Variants in GPHN observed in about 807,000 individuals in gnomAD.
The protein encoded by GPHN is gephyrin.
A neutral mutation model predicts 95.5 loss-of-function variants in GPHN; 17 were observed. The observed-to-expected ratio is 0.18, with a 90% CI of 0.12 to 0.27. The LOEUF (loss-of-function observed/expected upper bound fraction) is 0.27, where lower values mean the gene tolerates loss of function less well. Ranked by LOEUF, GPHN falls within the 10% of genes least tolerant of loss-of-function variation. The probability of loss-of-function intolerance (pLI) is 1.00; values close to 1 mark genes in which losing one functional copy is unlikely to be tolerated. For synonymous variants in GPHN, 320 were observed against 322.5 expected (o/e 0.99, Z 0.08); for missense variants, 660 against 978.1 (o/e 0.67, Z 4.34).
chr14:67,242,987 T>C, the GPHN span, among the ~76,000 whole-genome samples: 1 of 152,150 alleles, frequency 6.6e-6, no homozygotes, highest in African/African-American at 2.4e-5. Context: ...TGATTAAAAA[T>C]CTCATCACAG....
At chr14:66,580,569 C>T (rs1204628852) in intron 1 of GPHN, among the ~76,000 whole-genome samples, 3 of 151,518 alleles carry the variant, frequency 2.0e-5, no homozygotes, top group African/African-American at 7.3e-5. Flanking sequence ...CAATCATATG[C>T]CAACAAATTA....
the GPHN span, among the ~76,000 whole-genome samples, chr14:67,340,822 T>C: frequency 1.3e-5 from 2 of 152,086 alleles, no homozygotes; most frequent in African/African-American, 2.4e-5. Context: ...TGCAGGCGCG[T>C]GCCGCCACGC....
chr14:67,144,286 T>TATATACATATATATATATATATATAC (rs1421893686), intron 18 of GPHN, among the ~76,000 whole-genome samples: 2 of 78,120 alleles, frequency 2.6e-5, no homozygotes, highest in South Asian at 4.5e-4. Flanking sequence ...TATATATATA[T>TATATACATATATATATATATATATAC]ACACACACAC....
At chr14:67,657,266 A>AT in the GPHN span, 1 of 152,144 alleles carries the variant, frequency 6.6e-6, no homozygotes, top group East Asian at 1.9e-4. Flanking sequence ...CTGAGACACT[A>AT]CCACATTCTG....
intron 8 of GPHN, among the ~76,000 whole-genome samples, chr14:66,961,954 A>G (rs1196718822): frequency 2.3e-5 from 3 of 132,210 alleles, no homozygotes; most frequent in Admixed American, 2.2e-4. Flanking sequence ...ATATACACAT[A>G]TCTCCCAGAA....
In GPHN at chr14:66,731,091, A is replaced by G. The variant is rs142833861; in HGVS notation, c.144-45373A>G. Among the ~76,000 whole-genome samples the G allele has an allele frequency of 1.4e-3, 213 of 152,282 alleles. 4 individuals are homozygous for G. In the East Asian group the frequency reaches 0.023, roughly 16 times the overall value. ...AGACATGCCAGCTTCCCCTTCTGCC[A>G]TGATTTTAAGTTTCTTGAGGCCTCC... On this transcript the variant is annotated intron_variant, in intron 2 of 22. Transcript: ENST00000478722.
the GPHN span, among the ~76,000 whole-genome samples, chr14:67,599,028 AG>A: frequency 6.6e-6 from 1 of 152,218 alleles, no homozygotes; most frequent in Non-Finnish European, 1.5e-5. Flanking sequence ...CATACGGTTT[AG>A]ATAGTTAGAT....
chr14:66,520,847 A>G (rs1318765477), intron 1 of GPHN, among the ~76,000 whole-genome samples: 4 of 151,798 alleles, frequency 2.6e-5, no homozygotes, highest in Admixed American at 1.3e-4. Flanking sequence ...TTTCCTGCTT[A>G]TCCCTCTTCC....
At chr14:66,812,306 T>A (rs2060796234) in intron 3 of GPHN, among the ~76,000 whole-genome samples, 1 of 152,194 alleles carries the variant, frequency 6.6e-6, no homozygotes, top group Non-Finnish European at 1.5e-5. Context: ...AAGTCACTGC[T>A]TACTAAAATT....
chr14:67,359,736 C>A, the GPHN span: 2 of 1,612,600 alleles, frequency 1.2e-6, no homozygotes. Flanking sequence ...CCCGGCCGGG[C>A]AACCGAGGCT....
the GPHN span, among the ~76,000 whole-genome samples, chr14:67,317,077 A>G: frequency 6.6e-6 from 1 of 152,254 alleles, no homozygotes; most frequent in African/African-American, 2.4e-5. Flanking sequence ...ATTAAAGATT[A>G]TCTGTCTATA....
intron 4 of GPHN, among the ~76,000 whole-genome samples, chr14:66,826,447 G>C (rs946757066): frequency 6.6e-6 from 1 of 151,938 alleles, no homozygotes; most frequent in African/African-American, 2.4e-5. Flanking sequence ...ATTAGTACTA[G>C]ACTCTGCAGA....
the GPHN span, chr14:67,651,700 G>C: frequency 5.1e-6 from 2 of 390,256 alleles, no homozygotes; most frequent in Non-Finnish European, 9.0e-6. Context: ...AAAAACCAAA[G>C]CATAAAAATG....
intron 1 of GPHN, among the ~76,000 whole-genome samples, chr14:66,517,091 G>A (rs1298664811): frequency 3.3e-5 from 4 of 121,036 alleles, no homozygotes; most frequent in Middle Eastern, 7.9e-3. Flanking sequence ...CTGTGCCACT[G>A]TACTCCAGCC....
the GPHN span, chr14:67,473,345 G>A: frequency 9.6e-6 from 15 of 1,560,308 alleles, no homozygotes; most frequent in Non-Finnish European, 7.0e-6. This position sits in a 1 kb window ranked among gnomAD's most constrained non-coding sequence, Gnocchi z 6.5. Context: ...TGCATGGATG[G>A]GGCAACCTCA....
intron 17 of GPHN, among the ~76,000 whole-genome samples, chr14:67,123,950 C>T (rs1338178293): frequency 6.6e-6 from 1 of 152,202 alleles, no homozygotes. Flanking sequence ...TGCCAGTAAC[C>T]TGAAAGGTAG....
intron 11 of GPHN, among the ~76,000 whole-genome samples, chr14:67,059,546 C>T (rs1785460052): frequency 6.6e-6 from 1 of 152,098 alleles, no homozygotes; most frequent in Non-Finnish European, 1.5e-5. Flanking sequence ...AATATTCAAA[C>T]TACAATGAAC....
intron 2 of GPHN, among the ~76,000 whole-genome samples, chr14:66,745,584 G>A (rs2058112673): frequency 6.6e-6 from 1 of 151,798 alleles, no homozygotes; most frequent in African/African-American, 2.4e-5. Context: ...GTTATATATT[G>A]TCAGAAATTT....
chr14:66,809,933 G>A (rs1023822914), intron 3 of GPHN, among the ~76,000 whole-genome samples: 2 of 151,908 alleles, frequency 1.3e-5, no homozygotes, highest in Non-Finnish European at 2.9e-5. Flanking sequence ...ATGTGGAGTA[G>A]GTAATTTTCC....
Sources: gnomAD v4.1 joint callset for allele counts (sites outside exome capture counted in the v4.1 genomes callset) on GRCh38, gnomAD v4.1.1 for gene constraint, Gnocchi (gnomAD v3.1) non-coding constraint, MANE v1.5 for transcripts, NCBI Gene and HGNC (gene_info 2026-07-23, HGNC 2026-07-21) for gene names.